The following RP1 variants were observed in gnomAD, a reference collection of about 807,000 sequenced individuals.
The protein encoded by RP1 is oxygen-regulated protein 1.
In RP1, 16 loss-of-function variants were observed where a neutral mutation model predicts 14.8. That is an observed-to-expected ratio of 1.08 (90% confidence interval 0.73 to 1.65). The LOEUF (loss-of-function observed/expected upper bound fraction) is 1.65, where lower values mean the gene tolerates loss of function less well. Among genes scored for constraint, RP1 ranks in the 40% most tolerant of loss-of-function variants. The probability of loss-of-function intolerance (pLI) is 0.00; values close to 1 mark genes in which losing one functional copy is unlikely to be tolerated. For synonymous variants in RP1, 876 were observed against 883.6 expected, an observed-to-expected ratio of 0.99 and a Z score of 0.15; for missense variants, 2,631 against 2,535.0, an observed-to-expected ratio of 1.04 and a Z score of -0.81.
intron 28 of RP1, among the ~76,000 whole-genome samples, chr8:54,868,215 T>G (rs2129330682): frequency 6.6e-6 from 1 of 152,326 alleles, no homozygotes; most frequent in East Asian, 1.9e-4. Context: ...AGTGACTTAT[T>G]TCTACATTTT....
chr8:54,816,160 A>G (rs1563385011), intron 24 of RP1, among the ~76,000 whole-genome samples: 1 of 152,180 alleles, frequency 6.6e-6, no homozygotes, highest in Non-Finnish European at 1.5e-5. Flanking sequence ...ATGAGAGAAA[A>G]GGGAAAAGTA....
intron 21 of RP1, among the ~76,000 whole-genome samples, chr8:54,756,384 T>C (rs997747298): frequency 3.9e-5 from 6 of 152,230 alleles, no homozygotes; most frequent in African/African-American, 1.4e-4. Context: ...TCTAAAGGCA[T>C]ATTTTTAAGA....
intron 1 of RP1, among the ~76,000 whole-genome samples, chr8:54,604,385 A>C (rs1322577828): frequency 2.0e-5 from 3 of 152,192 alleles, no homozygotes; most frequent in African/African-American, 7.2e-5. Flanking sequence ...CCAGGGATGA[A>C]GCCCACTTGA....
intron 20 of RP1, chr8:54,755,552 G>C (rs1809483868): frequency 1.4e-6 from 2 of 1,456,878 alleles, no homozygotes; most frequent in East Asian, 2.5e-5. Context: ...TATGGATCTG[G>C]GTTCTGTTTG....
At chr8:54,766,141 C>T (rs761352687) in intron 22 of RP1, among the ~76,000 whole-genome samples, 25 of 151,918 alleles carry the variant, frequency 1.6e-4, no homozygotes, top group African/African-American at 3.4e-4. Flanking sequence ...TGTCTCATTA[C>T]GAATAATTTA....
chr8:54,831,461 C>CAG (rs1258619886), intron 24 of RP1, among the ~76,000 whole-genome samples: 5 of 134,184 alleles, frequency 3.7e-5, no homozygotes, highest in African/African-American at 8.3e-5. Flanking sequence ...TTACCTGTGC[C>CAG]TGTTTTTTGT....
In RP1 at chr8:54,782,033, T is replaced by C. The variant is rs567115819; in HGVS notation, c.3452-1514T>C. ...GCCGGGGAAGGAGATAAGGATGAGA[T>C]AGGAAAGAAGACCTACAAAAAAGGA... On this transcript the variant is annotated intron_variant, in intron 23 of 28. Transcript: ENST00000637698. Among the ~76,000 whole-genome samples, 6 of 152,286 alleles carry C rather than the reference T, an allele frequency of 3.9e-5. No individual in the cohort carries two copies. The East Asian group carries it at 1.2e-3, about 29-fold the overall frequency.
chr8:54,815,046 T>G (rs1811107124), intron 24 of RP1, among the ~76,000 whole-genome samples: 1 of 152,264 alleles, frequency 6.6e-6, no homozygotes, highest in South Asian at 2.1e-4. Context: ...CCCTTGTGAT[T>G]GAGCTATTCT....
At chr8:54,848,057 T>C (rs555879019) in intron 25 of RP1, among the ~76,000 whole-genome samples, 3 of 152,324 alleles carry the variant, frequency 2.0e-5, no homozygotes, top group South Asian at 4.1e-4. Flanking sequence ...TGAAAGTACA[T>C]GTGATCGCTC....
intron 15 of RP1, among the ~76,000 whole-genome samples, chr8:54,718,982 T>C (rs914387530): frequency 1.3e-5 from 2 of 152,206 alleles, no homozygotes; most frequent in South Asian, 2.1e-4. Flanking sequence ...AACCTTAATG[T>C]ATGCAAATAC....
chr8:54,663,998 G>T, intron 7 of RP1: 2 of 788,590 alleles, frequency 2.5e-6, no homozygotes, highest in African/African-American at 3.6e-5. Context: ...CAGATCATCA[G>T]AACTTTTTCA....
In RP1 at chr8:54,629,280, C is replaced by T; in HGVS notation, c.5398C>T (p.Leu1800Phe). Reference sequence around the variant, plus strand: ...GGCCCCAGGCCCAACGATGGATGAACTCTCCTCTTCAGAACTCGAGGAACT... The same window carrying T: ...GGCCCCAGGCCCAACGATGGATGAATTCTCCTCTTCAGAACTCGAGGAACT... ...NLAPGPTMDE[L>F]SSSELEELTQ... is the part of the protein sequence containing the mutation. Residue 1800 changes from leucine (L) to phenylalanine (F), a missense_variant, in exon 4 of 4, where the codon CTC (leucine) becomes TTC (phenylalanine). Leu to Phe is a conservative substitution (Grantham distance 22). Coordinates refer to ENST00000220676, the MANE Select transcript of RP1 (RefSeq NM_006269.2). The T allele has an allele frequency of 6.2e-6, 10 of 1,613,766 alleles. No individual in the cohort carries two copies. Among genetic ancestry groups the T allele is most frequent in the Non-Finnish European group, 8.5e-6 (10 of 1,179,770 alleles).
At chr8:54,856,331 G>A (rs1291474634) in intron 26 of RP1, among the ~76,000 whole-genome samples, 1 of 152,168 alleles carries the variant, frequency 6.6e-6, no homozygotes, top group Admixed American at 6.5e-5. Flanking sequence ...CTTAGGTGCT[G>A]ATAAGGCTCT....
chr8:54,617,201 C>T lies in RP1; in HGVS notation c.-13+999C>T, dbSNP rs376052230. Among the ~76,000 whole-genome samples, 12 of 152,314 alleles carry T rather than the reference C, an allele frequency of 7.9e-5. No individual in the cohort carries two copies. In the East Asian group the frequency reaches 2.3e-3, roughly 29 times the overall value. Reference sequence around the variant, plus strand: ...GAAGAAACTGGAGGGCCTCAAGATTCTACAGTTACCTCTTTCCACCTCCAC... The same window carrying T: ...GAAGAAACTGGAGGGCCTCAAGATTTTACAGTTACCTCTTTCCACCTCCAC... On this transcript the variant is annotated intron_variant, in intron 1 of 3. Coordinates refer to ENST00000220676, the MANE Select transcript of RP1 (RefSeq NM_006269.2).
At chr8:54,861,942 A>G (rs558061462) in intron 27 of RP1, among the ~76,000 whole-genome samples, 1 of 152,280 alleles carries the variant, frequency 6.6e-6, no homozygotes, top group African/African-American at 2.4e-5. Flanking sequence ...GAGTTCTTCT[A>G]GGAGGGTGGT....
At chr8:54,638,653 T>A (rs1563335890) in intron 3 of RP1, among the ~76,000 whole-genome samples, 1 of 152,148 alleles carries the variant, frequency 6.6e-6, no homozygotes, top group African/African-American at 2.4e-5. Context: ...ATCTGTTTAT[T>A]CTGGTATTCT....
At chr8:54,676,565 T>C (rs190724972) in intron 8 of RP1, among the ~76,000 whole-genome samples, 3 of 152,334 alleles carry the variant, frequency 2.0e-5, no homozygotes, top group East Asian at 3.9e-4. Flanking sequence ...CTCACCAACA[T>C]ACATATGTAA....
At chr8:54,607,979 C>A (rs568975049) in intron 1 of RP1, among the ~76,000 whole-genome samples, 1 of 152,006 alleles carries the variant, frequency 6.6e-6, no homozygotes, top group African/African-American at 2.4e-5. Flanking sequence ...ATTCCCTGAC[C>A]CCTTGCACTT....
At chr8:54,843,552 T>A (rs1701949827) in intron 25 of RP1, among the ~76,000 whole-genome samples, 1 of 152,226 alleles carries the variant, frequency 6.6e-6, no homozygotes, top group Admixed American at 6.5e-5. Flanking sequence ...CATCTGTTCC[T>A]GAGATCTGAT....
Sources: gnomAD v4.1 joint callset for allele counts (sites outside exome capture counted in the v4.1 genomes callset) on GRCh38, gnomAD v4.1.1 for gene constraint, MANE v1.5 for transcripts, NCBI Gene and HGNC (gene_info 2026-07-23, HGNC 2026-07-21) for gene names.